Variants in CAPZB observed in about 807,000 individuals in gnomAD.
CAPZB encodes capping actin protein of muscle Z-line subunit beta, also known as F-actin-capping protein subunit beta.
In CAPZB, 2 loss-of-function variants were observed where a neutral mutation model predicts 38.1. That is an observed-to-expected ratio of 0.05 (90% CI 0.02 to 0.17). The LOEUF (loss-of-function observed/expected upper bound fraction) is 0.17, where lower values mean the gene tolerates loss of function less well. CAPZB is among the 10% of genes least tolerant of loss of function. CAPZB has a pLI of 1.00. For missense variants in CAPZB, 161 were observed against 334.2 expected (o/e 0.48, Z 4.04); for synonymous variants, 107 against 127.4 (o/e 0.84, Z 1.08).
intron 4 of CAPZB, 30 bp downstream of exon 4, chr1:19,378,510 G>A (rs770304713): frequency 5.4e-5 from 67 of 1,247,782 alleles, no homozygotes; most frequent in Non-Finnish European, 6.5e-5. Flanking sequence ...ACTCACAAGC[G>A]CTAAAGTGCA....
Position 19,344,371 on chromosome 1 carries a change from C to A in CAPZB, c.718G>T (p.Val240Phe). The A allele has an allele frequency of 6.2e-7, 1 of 1,613,008 alleles. No individual in the cohort carries two copies. Among genetic ancestry groups the A allele is most frequent in the Non-Finnish European group, 8.5e-7 (1 of 1,178,930 alleles). Residue 240 changes from valine to phenylalanine, a missense_variant, in exon 8 of 9, where the codon GTC (valine) becomes TTC (phenylalanine). Transcript: ENST00000264202. ...EIYFGKTKDIVNGLRSVQTFA... is the reference protein window; with the variant it reads ...EIYFGKTKDIFNGLRSVQTFA... ...CTGGTACATTACCTCAGCCCATTGA[C>A]GATATCCTTTGTTTTTCCAAAGTAG...
At chr1:19,405,915 C>T (rs2100399032) in intron 2 of CAPZB, among the ~76,000 whole-genome samples, 1 of 152,336 alleles carries the variant, frequency 6.6e-6, no homozygotes, top group South Asian at 2.1e-4. Context: ...AAGCGCTGCT[C>T]ACACCCCCTC....
At chr1:19,343,741 G>A (rs2093945464) in intron 8 of CAPZB, among the ~76,000 whole-genome samples, 1 of 152,344 alleles carries the variant, frequency 6.6e-6, no homozygotes, top group African/African-American at 2.4e-5. Context: ...GAGAGCGCCC[G>A]GCTTTTGTTT....
In CAPZB at chr1:19,357,639, G is replaced by A; in HGVS notation, c.330-76C>T. The A allele has an allele frequency of 1.3e-6, 2 of 1,492,300 alleles. No homozygotes were observed. Among genetic ancestry groups the A allele is most frequent in the Middle Eastern group, 1.8e-4 (1 of 5,660 alleles). The allele number at this position is 1,492,300 out of a possible 1,614,324, so 92.4% of individuals were successfully genotyped here. ...AGCCTGGGTCCCAGGCTGCTGCTCA[G>A]CAAAGATTCTGGGATTCAGGGCCCT... On this transcript the variant is annotated intron_variant, in intron 4 of 8. Transcript: ENST00000264202. The surrounding 1 kb of genome is among the most constrained non-coding windows in gnomAD (Gnocchi z 4.3).
chr1:19,340,917 G>T (rs1028223145), intron 8 of CAPZB, among the ~76,000 whole-genome samples: 1 of 152,144 alleles, frequency 6.6e-6, no homozygotes, highest in Non-Finnish European at 1.5e-5. Context: ...CACTCAGCCG[G>T]ACTCTCACGT....
chr1:19,365,569 G>A (rs755672797), intron 4 of CAPZB, among the ~76,000 whole-genome samples: 16 of 152,144 alleles, frequency 1.1e-4, no homozygotes, highest in African/African-American at 3.6e-4. Context: ...GGTGGCTCAC[G>A]CCTGTAATCC....
Position 19,355,534 on chromosome 1 carries a change from G to A in CAPZB, c.588+1101C>T, listed in dbSNP as rs182066782. ...AAAATTTTACTGCATCGATCCTTTC[G>A]GTCATATTTTTTCTATCCACAGCTA... On this transcript the variant is annotated intron_variant, in intron 6 of 8. Coordinates refer to ENST00000264202, the MANE Select transcript of CAPZB (RefSeq NM_004930.5). Among the ~76,000 whole-genome samples the A allele has an allele frequency of 4.2e-4, 64 of 152,020 alleles. No individual in the cohort carries two copies. In the East Asian group the frequency reaches 9.3e-3, roughly 22 times the overall value.
Position 19,339,413 on chromosome 1 carries a change from C to CA in CAPZB, c.*116dup. 1.3e-6 allele frequency: 1 copy of CA among 782,766 alleles called. No individual in the cohort carries two copies. Among genetic ancestry groups the CA allele is most frequent in the Admixed American group, 1.8e-5 (1 of 55,992 alleles). The allele number at this position is 782,766 out of a possible 1,614,324, so 48.5% of individuals were successfully genotyped here. On this transcript the variant is annotated 3_prime_UTR_variant, in exon 9 of 9. Coordinates refer to ENST00000264202, the MANE Select transcript of CAPZB (RefSeq NM_004930.5). ...AGATGGCGCTGTGCGGTCAATGATG[C>CA]AGCTGTTATGTGACCTGTCGGGGAG...
chr1:19,414,389 G>A (rs2094370435), intron 2 of CAPZB, among the ~76,000 whole-genome samples: 1 of 152,138 alleles, frequency 6.6e-6, no homozygotes, highest in South Asian at 2.1e-4. Context: ...CAACTCCCCG[G>A]TAAAAAATCA....
chr1:19,405,993 ATGGGG>A (rs2094329939), intron 2 of CAPZB, among the ~76,000 whole-genome samples: 1 of 152,210 alleles, frequency 6.6e-6, no homozygotes, highest in African/African-American at 2.4e-5. Flanking sequence ...TGGTGGGGGC[ATGGGG>A]CTGGCCAGCC....
Position 19,464,384 on chromosome 1 carries a change from C to T in CAPZB, c.3+21052G>A, listed in dbSNP as rs576549524. ...TCGGCTCACTGCAAGCTCCACCTCC[C>T]GGGTTCACGCCATTCTCCTGCCTCA... On this transcript the variant is annotated intron_variant, in intron 1 of 8. Transcript: ENST00000264202. 4.7e-5 allele frequency among the ~76,000 whole-genome samples: 7 copies of T among 148,270 alleles called. No homozygotes were observed. The South Asian group carries it at 1.3e-3, about 28-fold the overall frequency.
intron 1 of CAPZB, among the ~76,000 whole-genome samples, chr1:19,430,704 G>A (rs545398299): frequency 1.3e-5 from 2 of 152,188 alleles, no homozygotes; most frequent in East Asian, 1.9e-4. Context: ...CACAGCTGGC[G>A]GCCGCCCACC....
chr1:19,361,108 G>A (rs924435132), intron 4 of CAPZB, among the ~76,000 whole-genome samples: 2 of 152,094 alleles, frequency 1.3e-5, no homozygotes, highest in East Asian at 1.9e-4. Flanking sequence ...CCATGGAGCC[G>A]CATGATCTCC....
intron 1 of CAPZB, among the ~76,000 whole-genome samples, chr1:19,465,288 C>G (rs1364302297): frequency 1.3e-5 from 2 of 152,080 alleles, no homozygotes; most frequent in Non-Finnish European, 1.5e-5. Context: ...ATTAATGCCC[C>G]TATAAGAGGC....
intron 2 of CAPZB, among the ~76,000 whole-genome samples, chr1:19,398,350 A>G (rs1369417382): frequency 6.6e-6 from 1 of 152,198 alleles, no homozygotes; most frequent in Non-Finnish European, 1.5e-5. Flanking sequence ...GAGGCTGACC[A>G]GCTCAGAGCA....
intron 4 of CAPZB, among the ~76,000 whole-genome samples, chr1:19,366,084 C>T (rs1431881124): frequency 6.6e-6 from 1 of 151,846 alleles, no homozygotes; most frequent in African/African-American, 2.4e-5. Context: ...CCTATGTTCT[C>T]CCGTCACATG....
intron 2 of CAPZB, among the ~76,000 whole-genome samples, chr1:19,407,735 T>C (rs540786565): frequency 2.0e-5 from 3 of 152,288 alleles, no homozygotes; most frequent in African/African-American, 7.2e-5. Flanking sequence ...GCCACGCTCT[T>C]GTCTAGCTTT....
chr1:19,464,126 G>A (rs989511758), intron 1 of CAPZB, among the ~76,000 whole-genome samples: 1 of 151,548 alleles, frequency 6.6e-6, no homozygotes, highest in Non-Finnish European at 1.5e-5. Flanking sequence ...GACAGAGGTT[G>A]TAGTGAGCCA....
At chr1:19,478,424 G>T (rs114059822) in intron 1 of CAPZB, among the ~76,000 whole-genome samples, 3,410 of 152,294 alleles carry the variant, frequency 0.022, 44 homozygotes, top group Non-Finnish European at 0.036. Flanking sequence ...ATCACTACGT[G>T]CCAGGTGAAT....
Sources: allele counts gnomAD v4.1 joint callset (sites outside exome capture counted in the v4.1 genomes callset), GRCh38; gene constraint gnomAD v4.1.1; non-coding constraint Gnocchi (gnomAD v3.1); transcripts MANE v1.5; gene names NCBI Gene and HGNC (gene_info 2026-07-23, HGNC 2026-07-21).